The following TBC1D32 variants were observed in gnomAD, a reference collection of about 807,000 sequenced individuals.
TBC1D32 encodes protein broad-minded.
In TBC1D32, 151 loss-of-function variants were observed where a neutral mutation model predicts 170.3. The observed-to-expected ratio is 0.89, with a 90% CI of 0.78 to 1.01. The LOEUF is 1.01. TBC1D32 is among the 50% of genes least tolerant of loss of function. The pLI, the probability that TBC1D32 is intolerant of heterozygous loss-of-function variation, is 0.00. For synonymous variants in TBC1D32, 498 were observed against 488.0 expected, an observed-to-expected ratio of 1.02 and a Z score of -0.27; for missense variants, 1,464 against 1,457.1, an observed-to-expected ratio of 1.00 and a Z score of -0.08.
chr6:121,223,437 T>C, intron 20 of TBC1D32, 85 bp from the exon 21 acceptor site: 1 of 904,588 alleles, frequency 1.1e-6, no homozygotes, highest in South Asian at 1.5e-5. Flanking sequence ...TTCCTATCTG[T>C]ATGACTTTGA....
At chr6:121,317,136 T>C (rs1809045767) in intron 3 of TBC1D32, among the ~76,000 whole-genome samples, 1 of 152,090 alleles carries the variant, frequency 6.6e-6, no homozygotes, top group Non-Finnish European at 1.5e-5. Context: ...AAGGGAAATG[T>C]TTTATTGTCA....
intron 24 of TBC1D32, among the ~76,000 whole-genome samples, chr6:121,154,816 G>T (rs952334819): frequency 6.6e-6 from 1 of 152,100 alleles, no homozygotes; most frequent in African/African-American, 2.4e-5. Context: ...AATAGTAAGT[G>T]TGTAGGCTTG....
chr6:121,184,385 C>A (rs2128277993), intron 22 of TBC1D32, among the ~76,000 whole-genome samples: 1 of 151,924 alleles, frequency 6.6e-6, no homozygotes, highest in South Asian at 2.1e-4. Flanking sequence ...TTTCTGAGTT[C>A]TAGTAGCCTA....
intron 26 of TBC1D32, among the ~76,000 whole-genome samples, chr6:121,125,172 G>C (rs749420659): frequency 4.6e-5 from 7 of 152,130 alleles, no homozygotes; most frequent in Non-Finnish European, 1.0e-4. Context: ...TATCTTTCTA[G>C]AGGGCCTTCC....
chr6:121,257,860 G>C (rs1450730722), intron 15 of TBC1D32, among the ~76,000 whole-genome samples: 1 of 152,064 alleles, frequency 6.6e-6, no homozygotes, highest in Non-Finnish European at 1.5e-5. Context: ...ATTGGTCTTA[G>C]ATAGCTTCTA....
In TBC1D32 at chr6:121,195,760, C is replaced by T. The variant is rs147495300; in HGVS notation, c.2570+9315G>A. Among the ~76,000 whole-genome samples, 237 of 152,252 alleles carry T rather than the reference C, an allele frequency of 1.6e-3. 2 individuals carry two copies. Among genetic ancestry groups the T allele is most frequent in the African/African-American group, 5.5e-3 (229 of 41,552 alleles). On this transcript the variant is annotated intron_variant, in intron 22 of 31. Transcript: ENST00000398212. Reference sequence around the variant, plus strand: ...GGCCTGGTTCACAGATGGTTCTGCACGATATGCAGGCACCACCTGAAAGTG... The same window carrying T: ...GGCCTGGTTCACAGATGGTTCTGCATGATATGCAGGCACCACCTGAAAGTG...
At chr6:121,264,819 A>T (rs1800247440) in intron 15 of TBC1D32, among the ~76,000 whole-genome samples, 1 of 152,146 alleles carries the variant, frequency 6.6e-6, no homozygotes, top group Admixed American at 6.5e-5. Context: ...AAAAATCATG[A>T]TTACCTCAAT....
intron 22 of TBC1D32, among the ~76,000 whole-genome samples, chr6:121,189,823 G>A (rs762407105): frequency 2.0e-5 from 3 of 151,958 alleles, no homozygotes; most frequent in Admixed American, 6.6e-5. Flanking sequence ...TTTCCCATCA[G>A]TCCTGAAGAG....
At chr6:121,228,231 A>G (rs942857883) in intron 20 of TBC1D32, among the ~76,000 whole-genome samples, 2 of 151,608 alleles carry the variant, frequency 1.3e-5, no homozygotes, top group Non-Finnish European at 2.9e-5. Context: ...TCACATTTGG[A>G]TTTGTTATTT....
chr6:121,118,071 C>A (rs1284332591), intron 26 of TBC1D32, among the ~76,000 whole-genome samples: 1 of 152,024 alleles, frequency 6.6e-6, no homozygotes, highest in Non-Finnish European at 1.5e-5. Flanking sequence ...GGATACATAA[C>A]ACATACTTAA....
chr6:121,314,250 T>C (rs1387129102), intron 3 of TBC1D32, among the ~76,000 whole-genome samples: 3 of 152,214 alleles, frequency 2.0e-5, no homozygotes, highest in Non-Finnish European at 4.4e-5. Flanking sequence ...TCTCTGACAC[T>C]GACTCTCCTG....
At chr6:121,125,914 C>G (rs1780787623) in intron 26 of TBC1D32, among the ~76,000 whole-genome samples, 1 of 152,120 alleles carries the variant, frequency 6.6e-6, no homozygotes, top group South Asian at 2.1e-4. Flanking sequence ...ATGCATGTAT[C>G]TTTTGTGAGA....
At chr6:121,205,438 A>C (rs1276218149) in intron 21 of TBC1D32, among the ~76,000 whole-genome samples, 6 of 152,328 alleles carry the variant, frequency 3.9e-5, no homozygotes, top group Admixed American at 3.9e-4. Context: ...TATTCAGCCA[A>C]AGTGGAAAAC....
chr6:121,242,002 T>C (rs950469070), intron 18 of TBC1D32, among the ~76,000 whole-genome samples, 199 bp downstream of exon 18: 3 of 152,170 alleles, frequency 2.0e-5, no homozygotes, highest in African/African-American at 7.2e-5. Flanking sequence ...TTGTTTGCAA[T>C]TCTGTAAATA....
Position 121,307,975 on chromosome 6 carries a change from C to G in TBC1D32, c.690+1G>C. Reference sequence around the variant, plus strand: ...TAATATTTCTATAACCATTTTCTTACACTAAACACAGGATCAGGATCTGAA... The same window carrying G: ...TAATATTTCTATAACCATTTTCTTAGACTAAACACAGGATCAGGATCTGAA... On this transcript the variant is annotated splice_donor_variant, in intron 5 of 31. Coordinates refer to ENST00000398212, the MANE Select transcript of TBC1D32 (RefSeq NM_152730.6). LOFTEE classifies it high-confidence loss of function. 1 of 1,610,110 alleles carries G rather than the reference C, an allele frequency of 6.2e-7. No homozygotes were observed. Among genetic ancestry groups the G allele is most frequent in the Non-Finnish European group, 8.5e-7 (1 of 1,178,876 alleles).
intron 24 of TBC1D32, among the ~76,000 whole-genome samples, chr6:121,137,890 A>G (rs1030160925): frequency 6.6e-6 from 1 of 152,020 alleles, no homozygotes; most frequent in Non-Finnish European, 1.5e-5. Context: ...TTGAGTGCCC[A>G]TTTTTGAAAT....
chr6:121,182,905 T>A (rs1226510323), intron 22 of TBC1D32, among the ~76,000 whole-genome samples: 4 of 152,038 alleles, frequency 2.6e-5, no homozygotes, highest in African/African-American at 9.7e-5. Flanking sequence ...GGATACAAGT[T>A]TTAATGGTGT....
intron 15 of TBC1D32, among the ~76,000 whole-genome samples, chr6:121,264,695 C>A (rs1032356866): frequency 7.9e-5 from 12 of 152,128 alleles, no homozygotes; most frequent in African/African-American, 2.9e-4. Context: ...AATCCAGCAG[C>A]ACATCAAAAA....
chr6:121,320,524 A>G (rs1809570236), intron 2 of TBC1D32, among the ~76,000 whole-genome samples: 1 of 152,128 alleles, frequency 6.6e-6, no homozygotes, highest in Non-Finnish European at 1.5e-5. Flanking sequence ...TACTGCTAGA[A>G]ACAGACTTAC....
Sources: allele counts gnomAD v4.1 joint callset (sites outside exome capture counted in the v4.1 genomes callset), GRCh38; gene constraint gnomAD v4.1.1; transcripts MANE v1.5; gene names NCBI Gene and HGNC (gene_info 2026-07-23, HGNC 2026-07-21).